The following CACNA2D3 variants were observed in gnomAD, a reference collection of about 807,000 sequenced individuals.
CACNA2D3 encodes the protein voltage-dependent calcium channel subunit alpha-2/delta-3.
Under a neutral mutation model 160.6 loss-of-function variants are expected in CACNA2D3, and 60 were observed. The observed-to-expected ratio is 0.37, with a 90% CI of 0.30 to 0.46. The LOEUF is 0.46. Among genes scored for constraint, CACNA2D3 ranks in the 20% least tolerant of loss-of-function variants. The pLI, the probability that CACNA2D3 is intolerant of heterozygous loss-of-function variation, is 1.00. For synonymous variants in CACNA2D3, 558 were observed against 492.9 expected (o/e 1.13, Z -1.75); for missense variants, 1,205 against 1,365.0 (o/e 0.88, Z 1.85).
At chr3:54,681,944 A>G (rs763385672) in intron 11 of CACNA2D3, among the ~76,000 whole-genome samples, 6 of 152,082 alleles carry the variant, frequency 3.9e-5, no homozygotes, top group Non-Finnish European at 7.4e-5. Flanking sequence ...CCACCTCTCA[A>G]AGTGCTGGGA....
chr3:54,769,624 A>G (rs139016601), intron 13 of CACNA2D3, among the ~76,000 whole-genome samples: 17 of 152,308 alleles, frequency 1.1e-4, no homozygotes, highest in African/African-American at 3.8e-4. Context: ...TTAAATGTCT[A>G]TGCATAGTAT....
chr3:54,360,093 C>T (rs1194597557), intron 3 of CACNA2D3, among the ~76,000 whole-genome samples: 1 of 152,220 alleles, frequency 6.6e-6, no homozygotes, highest in African/African-American at 2.4e-5. Context: ...GGTTGGCCCC[C>T]CACCTTTTTT....
chr3:54,229,301 C>T (rs561594199), intron 2 of CACNA2D3, among the ~76,000 whole-genome samples: 51 of 152,140 alleles, frequency 3.4e-4, no homozygotes, highest in South Asian at 1.0e-3. Context: ...ATGCCATTCT[C>T]CTGCCTCAGC....
chr3:54,947,846 C>G (rs62256160), intron 27 of CACNA2D3, among the ~76,000 whole-genome samples: 23,351 of 152,130 alleles, frequency 0.15, 1,963 homozygotes, highest in African/African-American at 0.22. Context: ...GTAAATGGTT[C>G]TCTAGCACTC....
At chr3:54,451,404 C>G (rs1395925729) in intron 4 of CACNA2D3, among the ~76,000 whole-genome samples, 1 of 151,842 alleles carries the variant, frequency 6.6e-6, no homozygotes, top group Admixed American at 6.6e-5. Flanking sequence ...CACACACCAC[C>G]ACGCTCAGCT....
intron 9 of CACNA2D3, among the ~76,000 whole-genome samples, chr3:54,619,856 A>T (rs1241756651): frequency 6.6e-6 from 1 of 152,206 alleles, no homozygotes; most frequent in Non-Finnish European, 1.5e-5. Flanking sequence ...AAGAGGCTGT[A>T]AAAGTCAGCC....
chr3:54,334,619 G>A (rs1287198320), intron 3 of CACNA2D3, among the ~76,000 whole-genome samples: 1 of 152,164 alleles, frequency 6.6e-6, no homozygotes, highest in South Asian at 2.1e-4. Context: ...GATATGGCAA[G>A]AATGGATTTG....
chr3:54,314,237 A>G (rs75229996), intron 2 of CACNA2D3, among the ~76,000 whole-genome samples: 2 of 152,208 alleles, frequency 1.3e-5, no homozygotes, highest in Non-Finnish European at 2.9e-5. Flanking sequence ...TCATTAATTT[A>G]TTCCCTATTT....
intron 11 of CACNA2D3, among the ~76,000 whole-genome samples, chr3:54,678,172 A>C (rs867429050): frequency 6.6e-6 from 1 of 152,274 alleles, no homozygotes; most frequent in Middle Eastern, 3.4e-3. Context: ...TTTGCCCTCT[A>C]TTTTAGACAG....
intron 27 of CACNA2D3, chr3:54,918,892 C>T: frequency 6.6e-7 from 1 of 1,520,204 alleles, no homozygotes; most frequent in Non-Finnish European, 8.8e-7. Flanking sequence ...TGTTAGTCCC[C>T]CTTTAAAAAA....
At chr3:54,902,281 A>G (rs1700351617) in intron 27 of CACNA2D3, among the ~76,000 whole-genome samples, 1 of 152,138 alleles carries the variant, frequency 6.6e-6, no homozygotes, top group African/African-American at 2.4e-5. Flanking sequence ...CTGGGGTAGA[A>G]AGAGGTTTTT....
chr3:54,230,619 A>G (rs1701750833), intron 2 of CACNA2D3, among the ~76,000 whole-genome samples: 1 of 152,216 alleles, frequency 6.6e-6, no homozygotes, highest in Non-Finnish European at 1.5e-5. Context: ...GCAAATGTTG[A>G]GCTTCATTAA....
At chr3:54,432,353 C>G (rs549675592) in intron 4 of CACNA2D3, among the ~76,000 whole-genome samples, 9 of 152,116 alleles carry the variant, frequency 5.9e-5, no homozygotes, top group Admixed American at 5.9e-4. Context: ...TCTCTCGACT[C>G]ACTGTGTGTT....
At chr3:54,654,530 C>T (rs1429224202) in intron 11 of CACNA2D3, among the ~76,000 whole-genome samples, 3 of 152,070 alleles carry the variant, frequency 2.0e-5, no homozygotes, top group South Asian at 4.2e-4. Context: ...AGGCAACAGC[C>T]ACCACCTCAA....
At chr3:54,931,602 C>G (rs1701193621) in intron 27 of CACNA2D3, among the ~76,000 whole-genome samples, 1 of 152,154 alleles carries the variant, frequency 6.6e-6, no homozygotes, top group African/African-American at 2.4e-5. Flanking sequence ...CTCCTGGCCC[C>G]AAGACCTGCC....
chr3:54,957,224 ATCATAG>A (rs1701921217), intron 27 of CACNA2D3, among the ~76,000 whole-genome samples: 1 of 151,708 alleles, frequency 6.6e-6, no homozygotes, highest in African/African-American at 2.4e-5. Context: ...CAGTGGCACA[ATCATAG>A]CTCAATGCAG....
At chr3:54,166,151 G>A (rs1700450989) in intron 2 of CACNA2D3, among the ~76,000 whole-genome samples, 1 of 152,178 alleles carries the variant, frequency 6.6e-6, no homozygotes, top group African/African-American at 2.4e-5. Context: ...TGTCAAGCTG[G>A]CTGTGTTTCC....
At chr3:54,510,127 GTAGA>G (rs1210935388) in intron 5 of CACNA2D3, among the ~76,000 whole-genome samples, 12 of 152,024 alleles carry the variant, frequency 7.9e-5, no homozygotes, top group Non-Finnish European at 1.6e-4. Flanking sequence ...ACATGCATAG[GTAGA>G]TGGATGGATG....
intron 27 of CACNA2D3, among the ~76,000 whole-genome samples, chr3:54,927,146 T>G (rs1264269015): frequency 6.6e-6 from 1 of 152,204 alleles, no homozygotes; most frequent in Non-Finnish European, 1.5e-5. Flanking sequence ...TTGCTTGTTT[T>G]GGGCCTTAAC....
Sources: allele counts gnomAD v4.1 joint callset (sites outside exome capture counted in the v4.1 genomes callset), GRCh38; gene constraint gnomAD v4.1.1; transcripts MANE v1.5; gene names NCBI Gene and HGNC (gene_info 2026-07-23, HGNC 2026-07-21).